COL11A1: variants seen among roughly 807,000 people sequenced by gnomAD.
COL11A1 encodes collagen alpha-1(XI) chain.
Under a neutral mutation model 265.2 loss-of-function variants are expected in COL11A1, and 74 were observed. That is an observed-to-expected ratio of 0.28 (90% CI 0.23 to 0.34). The LOEUF (loss-of-function observed/expected upper bound fraction) is 0.34, where lower values mean the gene tolerates loss of function less well. Ranked by LOEUF, COL11A1 falls within the 10% of genes least tolerant of loss-of-function variation. COL11A1 has a pLI of 1.00. For missense variants in COL11A1, 2,165 were observed against 2,263.6 expected (o/e 0.96, Z 0.88); for synonymous variants, 816 against 727.6 (o/e 1.12, Z -1.96).
intron 4 of COL11A1, among the ~76,000 whole-genome samples, chr1:103,047,401 C>G (rs940469597): frequency 6.6e-6 from 1 of 151,670 alleles, no homozygotes; most frequent in Non-Finnish European, 1.5e-5. Flanking sequence ...TGATTTGGCT[C>G]TCTGTCTGTT....
In COL11A1 at chr1:103,051,224, C is replaced by G. The variant is rs556199568; in HGVS notation, c.652-19980G>C. Reference sequence around the variant, plus strand: ...GGTGGAGCCTACAGAGGCAGGCAGGCCTCCTTGAGCTGTGGTGGTCTCCAC... The same window carrying G: ...GGTGGAGCCTACAGAGGCAGGCAGGGCTCCTTGAGCTGTGGTGGTCTCCAC... On this transcript the variant is annotated intron_variant, in intron 4 of 66. Transcript: ENST00000370096. Among the ~76,000 whole-genome samples, 3 of 152,338 alleles carry G rather than the reference C, an allele frequency of 2.0e-5. No homozygotes were observed. In the South Asian group the frequency reaches 6.2e-4, roughly 32 times the overall value.
intron 54 of COL11A1, among the ~76,000 whole-genome samples, chr1:102,904,636 A>G (rs1653679837): frequency 6.6e-6 from 1 of 152,022 alleles, no homozygotes; most frequent in African/African-American, 2.4e-5. Context: ...GCTCATCATC[A>G]CTGGCCATCA....
Position 103,106,069 on chromosome 1 carries a change from A to G in COL11A1, c.106+2004T>C, listed in dbSNP as rs148843677. Reference sequence around the variant, plus strand: ...TAAAAATAGGGAAAGTTGTTTTCCCACCATTTATTTGATGTGGTACTGGGA... The same window carrying G: ...TAAAAATAGGGAAAGTTGTTTTCCCGCCATTTATTTGATGTGGTACTGGGA... On this transcript the variant is annotated intron_variant, in intron 1 of 66. Coordinates refer to ENST00000370096, the MANE Select transcript of COL11A1 (RefSeq NM_001854.4). Among the ~76,000 whole-genome samples, 619 of 152,282 alleles carry G rather than the reference A, an allele frequency of 4.1e-3. 3 individuals carry two copies. The highest frequency in any genetic ancestry group is 7.0e-3 in the Non-Finnish European group (479 of 68,014).
rs78723570 is a variant in COL11A1, at chr1:102,963,203, A to T, written c.2917-443T>A. Reference sequence around the variant, plus strand: ...ACTGCTTGAAAATAAACTTAGGGCCATGAGAACCCAAAAAGCCAGTGGTTC... The same window carrying T: ...ACTGCTTGAAAATAAACTTAGGGCCTTGAGAACCCAAAAAGCCAGTGGTTC... On this transcript the variant is annotated intron_variant, in intron 38 of 66. Transcript: ENST00000370096. Among the ~76,000 whole-genome samples the T allele has an allele frequency of 1.6e-3, 248 of 152,282 alleles. 1 individual carries two copies. Among genetic ancestry groups the T allele is most frequent in the Middle Eastern group, 0.01 (3 of 294 alleles).
Position 102,965,554 on chromosome 1 carries a change from G to C in COL11A1, c.2863-14C>G. 6.2e-7 allele frequency: 1 copy of C among 1,611,056 alleles called. No homozygotes were observed. The highest frequency in any genetic ancestry group is 8.5e-7 in the Non-Finnish European group (1 of 1,177,422). On this transcript the variant is annotated splice_polypyrimidine_tract_variant and intron_variant, in intron 37 of 66. Coordinates refer to ENST00000370096, the MANE Select transcript of COL11A1 (RefSeq NM_001854.4). ...GCCTTGAAATCCCTAAGGAGGCAAA[G>C]TATTATTTGTAAAAGCTACATACAA...
intron 41 of COL11A1, among the ~76,000 whole-genome samples, chr1:102,951,311 T>C (rs1261953444): frequency 6.6e-6 from 1 of 152,226 alleles, no homozygotes; most frequent in African/African-American, 2.4e-5. Context: ...TTAATTCATA[T>C]TAACAAACAA....
chr1:102,941,691 C>T (rs1431000729), intron 42 of COL11A1, among the ~76,000 whole-genome samples: 2 of 152,214 alleles, frequency 1.3e-5, no homozygotes, highest in Admixed American at 1.3e-4. Flanking sequence ...ATCTCACCAT[C>T]AATGCCTTGT....
intron 41 of COL11A1, among the ~76,000 whole-genome samples, chr1:102,949,887 G>A (rs1209279791): frequency 6.6e-6 from 1 of 152,154 alleles, no homozygotes; most frequent in Non-Finnish European, 1.5e-5. Context: ...TGAACATTGT[G>A]TAAAACAAAC....
In COL11A1 at chr1:102,961,683, C is replaced by G. The variant is rs998664483; in HGVS notation, c.3168+183G>C. 6.6e-6 allele frequency: 4 copies of G among 601,632 alleles called. No homozygotes were observed. In the African/African-American group the frequency reaches 7.4e-5, roughly 11 times the overall value. 37.3% of individuals were successfully genotyped at this position (601,632 alleles called of 1,614,324 possible). On this transcript the variant is annotated intron_variant, in intron 41 of 66. Coordinates refer to ENST00000370096, the MANE Select transcript of COL11A1 (RefSeq NM_001854.4). Reference sequence around the variant, plus strand: ...GCAGAAGCAAATATTTCCAATCATCCAAACCCTTCTGTTTCTGCATTCATT... The same window carrying G: ...GCAGAAGCAAATATTTCCAATCATCGAAACCCTTCTGTTTCTGCATTCATT...
chr1:102,965,673 TA>T, intron 37 of COL11A1, 133 bp from the exon 38 acceptor site: 3 of 696,654 alleles, frequency 4.3e-6, no homozygotes, highest in Non-Finnish European at 7.5e-6. Context: ...TTCAAATGCT[TA>T]AATATGTTTA....
intron 4 of COL11A1, among the ~76,000 whole-genome samples, chr1:103,067,686 C>A (rs1558019694): frequency 6.6e-6 from 1 of 151,072 alleles, no homozygotes; most frequent in Non-Finnish European, 1.5e-5. Context: ...AGAATATCAA[C>A]AAAAGTTTCA....
In COL11A1 at chr1:102,946,896, G is replaced by A; in HGVS notation, c.3229C>T (p.Pro1077Ser). The change falls in exon 42 of 67, where the codon CCG becomes TCG. Residue 1077 changes from proline to serine, a missense_variant. Coordinates refer to ENST00000370096, the MANE Select transcript of COL11A1 (RefSeq NM_001854.4). ...GGACCAGGAGGACCCTGAGGTCCCGGGCGCCCTGGTAAACCAATTGGGCCA... is the reference window on the plus strand; with the variant it reads ...GGACCAGGAGGACCCTGAGGTCCCGAGCGCCCTGGTAAACCAATTGGGCCA... Reference protein sequence around the residue: ...TAGPIGLPGRPGPQGPPGPAG... With the variant: ...TAGPIGLPGRSGPQGPPGPAG... 14 of 1,613,592 alleles carry A rather than the reference G, an allele frequency of 8.7e-6. No individual in the cohort carries two copies. Among genetic ancestry groups the A allele is most frequent in the Middle Eastern group, 1.7e-4 (1 of 6,056 alleles).
intron 24 of COL11A1, chr1:103,000,911 A>T (rs921906143): frequency 2.8e-6 from 1 of 357,506 alleles, no homozygotes; most frequent in Non-Finnish European, 5.0e-6. Flanking sequence ...TCAATGGAAT[A>T]CTATGAGAAC....
At chr1:102,973,231 A>G (rs1025538504) in intron 36 of COL11A1, among the ~76,000 whole-genome samples, 3 of 152,172 alleles carry the variant, frequency 2.0e-5, no homozygotes, top group African/African-American at 7.2e-5. Context: ...TATCAGTGAA[A>G]GAAATACTCC....
rs3767272 is a variant in COL11A1 at position 103,017,773 on chromosome 1, T to C, written c.1413+47A>G. 0.028 allele frequency: 40,664 copies of C among 1,453,522 alleles called. 734 individuals carry two copies. The highest frequency in any genetic ancestry group is 0.061 in the East Asian group (2,706 of 44,134). 90.0% of individuals were successfully genotyped at this position (1,453,522 alleles called of 1,614,324 possible). ...GTAGAATACATTTTAATTATTTAAG[T>C]CTGTATGACATGCATTTGTAATGAG... is the stretch of plus-strand genomic sequence containing the variant. On this transcript the variant is annotated intron_variant, in intron 11 of 66. Coordinates refer to ENST00000370096, the MANE Select transcript of COL11A1 (RefSeq NM_001854.4).
At chr1:102,947,039 C>T in intron 41 of COL11A1, 83 bp from the exon 42 acceptor site, 2 of 1,107,088 alleles carry the variant, frequency 1.8e-6, no homozygotes, top group East Asian at 2.6e-5. Context: ...TAGCTTCTTA[C>T]AGTCTAGTAA....
intron 54 of COL11A1, among the ~76,000 whole-genome samples, chr1:102,910,671 AT>A (rs544342505): frequency 1.4e-3 from 205 of 147,178 alleles, no homozygotes; most frequent in East Asian, 7.3e-3. Context: ...TTATGAGGTG[AT>A]TTTTTTTTTT....
chr1:102,996,997 T>G lies in COL11A1; in HGVS notation c.2241+83A>C, dbSNP rs975865452. The G allele has an allele frequency of 2.7e-6, 3 of 1,110,024 alleles. No individual in the cohort carries two copies. In the East Asian group the frequency reaches 7.1e-5, roughly 26 times the overall value. 68.8% of individuals were successfully genotyped at this position (1,110,024 alleles called of 1,614,324 possible). On this transcript the variant is annotated intron_variant, in intron 26 of 66. Coordinates refer to ENST00000370096, the MANE Select transcript of COL11A1 (RefSeq NM_001854.4). ...CCAAAATAACTATATGAACGTGATT[T>G]ATATATATGAGATGACCAAATTAAG... is the stretch of plus-strand genomic sequence containing the variant.
At chr1:103,010,263 C>G (rs1665992591) in intron 14 of COL11A1, among the ~76,000 whole-genome samples, 1 of 152,028 alleles carries the variant, frequency 6.6e-6, no homozygotes, top group Non-Finnish European at 1.5e-5. Flanking sequence ...CTAGTGAATA[C>G]TTTTTTAGAC....
Sources: allele counts gnomAD v4.1 joint callset (sites outside exome capture counted in the v4.1 genomes callset), GRCh38; gene constraint gnomAD v4.1.1; transcripts MANE v1.5; gene names NCBI Gene and HGNC (gene_info 2026-07-23, HGNC 2026-07-21).